STXBP4: variants seen among roughly 807,000 people sequenced by gnomAD.
The protein encoded by STXBP4 is syntaxin-binding protein 4.
A neutral mutation model predicts 76.1 loss-of-function variants in STXBP4; 55 were observed. The ratio of observed to expected loss-of-function variants is 0.72; its 90% CI spans 0.58 to 0.91. STXBP4 has a LOEUF of 0.91. Among genes scored for constraint, STXBP4 ranks in the 40% least tolerant of loss-of-function variants. The probability of loss-of-function intolerance (pLI) is 0.00; values close to 1 mark genes in which losing one functional copy is unlikely to be tolerated. For missense variants in STXBP4, 618 were observed against 636.9 expected (o/e 0.97, Z 0.32); for synonymous variants, 201 against 220.2 (o/e 0.91, Z 0.77).
At chr17:55,096,084 G>C (rs1363386209) in intron 16 of STXBP4, among the ~76,000 whole-genome samples, 1 of 152,144 alleles carries the variant, frequency 6.6e-6, no homozygotes, top group Non-Finnish European at 1.5e-5. Flanking sequence ...TTTTCTCAAG[G>C]ATTAAGTGAC....
At chr17:55,044,754 A>C (rs1022958710) in intron 11 of STXBP4, 6 of 152,180 alleles carry the variant, frequency 3.9e-5, no homozygotes, top group African/African-American at 9.6e-5. Flanking sequence ...GCTTCAAAAA[A>C]TAATAAAGCC....
At chr17:55,064,117 C>A (rs1352987422) in intron 12 of STXBP4, among the ~76,000 whole-genome samples, 1 of 152,164 alleles carries the variant, frequency 6.6e-6, no homozygotes, top group Admixed American at 6.5e-5. Context: ...AACAAGACTT[C>A]TCTAGTCATG....
intron 4 of STXBP4, among the ~76,000 whole-genome samples, chr17:54,993,349 C>T (rs905585186): frequency 6.6e-6 from 1 of 152,134 alleles, no homozygotes; most frequent in Admixed American, 6.5e-5. Context: ...GGGGTGATGG[C>T]TCATGCCTCT....
intron 17 of STXBP4, among the ~76,000 whole-genome samples, chr17:55,151,509 T>C (rs1347359699): frequency 6.6e-6 from 1 of 152,208 alleles, no homozygotes; most frequent in East Asian, 1.9e-4. Context: ...TCTTTGATCA[T>C]GCCTGCACTT....
At chr17:55,107,193 A>G (rs776477989) in intron 16 of STXBP4, among the ~76,000 whole-genome samples, 2 of 152,056 alleles carry the variant, frequency 1.3e-5, no homozygotes, top group Non-Finnish European at 2.9e-5. Flanking sequence ...GTTGATCTTC[A>G]ATCTCTGATA....
chr17:55,081,213 A>T, intron 16 of STXBP4, 30 bp downstream of exon 16: 1 of 1,380,588 alleles, frequency 7.2e-7, no homozygotes, highest in Non-Finnish European at 9.4e-7. Context: ...TCACTTTTTA[A>T]AAGTAATTTA....
the STXBP4 span, among the ~76,000 whole-genome samples, chr17:55,187,206 C>G: frequency 6.6e-6 from 1 of 152,158 alleles, no homozygotes; most frequent in Non-Finnish European, 1.5e-5. Flanking sequence ...AGCATGCACC[C>G]TCATAGGCAA....
At chr17:55,079,453 G>GC (rs2079229232) in intron 15 of STXBP4, among the ~76,000 whole-genome samples, 1 of 151,974 alleles carries the variant, frequency 6.6e-6, no homozygotes, top group African/African-American at 2.4e-5. Context: ...ATATACGCTT[G>GC]CAGAAACAGG....
intron 9 of STXBP4, 86 bp from the exon 10 acceptor site, chr17:55,034,082 T>A: frequency 1.1e-6 from 1 of 914,072 alleles, no homozygotes; most frequent in Non-Finnish European, 1.7e-6. Flanking sequence ...GGGTTAAATT[T>A]GAAACCTTAG....
chr17:55,021,626 C>T (rs1409433969), intron 8 of STXBP4, among the ~76,000 whole-genome samples: 1 of 152,042 alleles, frequency 6.6e-6, no homozygotes, highest in Non-Finnish European at 1.5e-5. Context: ...GTATCACTCC[C>T]TCTCCTAAGC....
At chr17:55,070,165 T>C (rs896289594) in intron 12 of STXBP4, among the ~76,000 whole-genome samples, 2 of 152,220 alleles carry the variant, frequency 1.3e-5, no homozygotes, top group Non-Finnish European at 2.9e-5. Context: ...GCTCTGTCAC[T>C]TACTAGGTTT....
chr17:55,055,122 A>G (rs759167666), intron 12 of STXBP4, among the ~76,000 whole-genome samples: 1 of 152,190 alleles, frequency 6.6e-6, no homozygotes, highest in Non-Finnish European at 1.5e-5. Context: ...CTAATTTTGA[A>G]TACTAGTTTT....
chr17:55,129,016 A>G (rs532032817), intron 16 of STXBP4, among the ~76,000 whole-genome samples: 1 of 138,312 alleles, frequency 7.2e-6, no homozygotes, highest in Admixed American at 8.2e-5. Context: ...TGCAACCTCC[A>G]TCTCCTGGGT....
chr17:55,133,350 A>C (rs941306286), intron 16 of STXBP4, among the ~76,000 whole-genome samples: 11 of 152,148 alleles, frequency 7.2e-5, no homozygotes, highest in African/African-American at 2.4e-4. Context: ...TTGGGTGAAG[A>C]GTCAGGAGAT....
At chr17:55,151,976 G>A (rs1234825417) in intron 17 of STXBP4, among the ~76,000 whole-genome samples, 1 of 152,162 alleles carries the variant, frequency 6.6e-6, no homozygotes, top group African/African-American at 2.4e-5. Flanking sequence ...AGAAGGACTA[G>A]TAGTGTTAGT....
At chr17:55,006,044 A>G (rs916975819) in intron 7 of STXBP4, among the ~76,000 whole-genome samples, 1 of 152,032 alleles carries the variant, frequency 6.6e-6, no homozygotes, top group Non-Finnish European at 1.5e-5. Context: ...TACACTATGT[A>G]TATATTATTT....
intron 16 of STXBP4, among the ~76,000 whole-genome samples, chr17:55,088,141 T>G (rs1291323300): frequency 6.6e-6 from 1 of 152,204 alleles, no homozygotes; most frequent in Admixed American, 6.5e-5. Context: ...ATTCAGCTGA[T>G]TTTCTTTCTC....
chr17:55,012,855 C>T (rs1308581154), intron 8 of STXBP4, among the ~76,000 whole-genome samples: 1 of 152,146 alleles, frequency 6.6e-6, no homozygotes, highest in African/African-American at 2.4e-5. Flanking sequence ...AGAAGGTCCC[C>T]TCGAGTGGCA....
At chr17:55,211,057 C>T in the STXBP4 span, among the ~76,000 whole-genome samples, 2 of 151,994 alleles carry the variant, frequency 1.3e-5, no homozygotes, top group African/African-American at 4.8e-5. Flanking sequence ...CAAAGAGGTG[C>T]TCATTTTAAA....
Sources: allele counts gnomAD v4.1 joint callset (sites outside exome capture counted in the v4.1 genomes callset), GRCh38; gene constraint gnomAD v4.1.1; transcripts MANE v1.5; gene names NCBI Gene and HGNC (gene_info 2026-07-23, HGNC 2026-07-21).